The following ZSCAN25 variants were observed in gnomAD, a reference collection of about 807,000 sequenced individuals.
ZSCAN25 encodes the protein zinc finger and SCAN domain containing 25, also known as zinc finger and SCAN domain-containing protein 25.
In ZSCAN25, 27 loss-of-function variants were observed where a neutral mutation model predicts 38.7. The ratio of observed to expected loss-of-function variants is 0.70; its 90% CI spans 0.51 to 0.96. ZSCAN25 has a LOEUF of 0.96. Ranked by LOEUF, ZSCAN25 falls within the 40% of genes least tolerant of loss-of-function variation. ZSCAN25 has a pLI of 0.00. For synonymous variants in ZSCAN25, 273 were observed against 277.7 expected, an observed-to-expected ratio of 0.98 and a Z score of 0.17; for missense variants, 637 against 705.9, an observed-to-expected ratio of 0.90 and a Z score of 1.11.
the ZSCAN25 span, among the ~76,000 whole-genome samples, chr7:99,724,596 C>T: frequency 6.6e-6 from 1 of 152,022 alleles, no homozygotes; most frequent in Non-Finnish European, 1.5e-5. Context: ...CAAGCCAGGT[C>T]CCAATTCTTC....
the ZSCAN25 span, chr7:99,638,755 A>G: frequency 9.1e-7 from 1 of 1,097,636 alleles, no homozygotes; most frequent in Admixed American, 1.7e-5. Context: ...TTTGCATAGC[A>G]CTTTCCCCAT....
At chr7:99,729,979 C>T in the ZSCAN25 span, among the ~76,000 whole-genome samples, 165 of 152,288 alleles carry the variant, frequency 1.1e-3, 2 homozygotes, top group East Asian at 0.02. Context: ...TATGAAATTC[C>T]TGGGCAGTAA....
the ZSCAN25 span, among the ~76,000 whole-genome samples, chr7:99,700,274 T>TAATC: frequency 2.0e-5 from 3 of 152,192 alleles, no homozygotes; most frequent in Non-Finnish European, 4.4e-5. Flanking sequence ...ATAAACAACT[T>TAATC]AATCAGTTTT....
chr7:99,681,238 C>T, the ZSCAN25 span, among the ~76,000 whole-genome samples: 1 of 152,180 alleles, frequency 6.6e-6, no homozygotes, highest in South Asian at 2.1e-4. Flanking sequence ...CAAATCTTGG[C>T]ATTTGTGAAT....
At chr7:99,662,733 G>A in the ZSCAN25 span, 1 of 1,334,572 alleles carries the variant, frequency 7.5e-7, no homozygotes, top group Non-Finnish European at 1.1e-6. The surrounding 1 kb of genome is among the most constrained non-coding windows in gnomAD (Gnocchi z 4.3). Context: ...TCATCTTCCT[G>A]GAATACTTCC....
At chr7:99,651,373 G>C in the ZSCAN25 span, among the ~76,000 whole-genome samples, 1 of 152,130 alleles carries the variant, frequency 6.6e-6, no homozygotes, top group Non-Finnish European at 1.5e-5. Flanking sequence ...CCAAGTTCCT[G>C]ACACATGGCA....
At chr7:99,654,613 G>C in the ZSCAN25 span, among the ~76,000 whole-genome samples, 1 of 152,092 alleles carries the variant, frequency 6.6e-6, no homozygotes, top group East Asian at 1.9e-4. Flanking sequence ...GGGATGGCTG[G>C]GTCAAATGGT....
chr7:99,659,971 G>A, the ZSCAN25 span: 639 of 154,480 alleles, frequency 4.1e-3, 5 homozygotes, highest in African/African-American at 0.015. Context: ...GGTGCTGTCC[G>A]TCACCCCTAG....
the ZSCAN25 span, among the ~76,000 whole-genome samples, chr7:99,656,059 A>G: frequency 6.6e-6 from 1 of 152,174 alleles, no homozygotes; most frequent in Non-Finnish European, 1.5e-5. Context: ...TTCCTAATTG[A>G]ATACCCTTTA....
chr7:99,663,048 A>C, the ZSCAN25 span: 2 of 1,357,192 alleles, frequency 1.5e-6, no homozygotes. Flanking sequence ...ACATTCATCT[A>C]AATCCTTGGA....
downstream of ZSCAN25, among the ~76,000 whole-genome samples, chr7:99,635,919 C>A (rs1451355243): frequency 6.6e-6 from 1 of 151,808 alleles, no homozygotes; most frequent in African/African-American, 2.4e-5. Flanking sequence ...TGGTGGCGGG[C>A]CCCTGTAGTC....
At chr7:99,708,938 G>C in the ZSCAN25 span, 4 of 1,356,268 alleles carry the variant, frequency 2.9e-6, no homozygotes, top group East Asian at 7.0e-5. Context: ...AAAAAGACAA[G>C]CAAACGATTG....
At chr7:99,676,319 G>A in the ZSCAN25 span, 924 of 1,569,274 alleles carry the variant, frequency 5.9e-4, 4 homozygotes, top group African/African-American at 0.011. Flanking sequence ...ATATGTACAC[G>A]ATAAATAATA....
At chr7:99,672,995 G>A in the ZSCAN25 span, 10 of 660,532 alleles carry the variant, frequency 1.5e-5, no homozygotes, top group South Asian at 4.8e-5. Flanking sequence ...TGGTACATAC[G>A]TGGGTATCTC....
At chr7:99,696,157 G>A in the ZSCAN25 span, among the ~76,000 whole-genome samples, 1 of 152,034 alleles carries the variant, frequency 6.6e-6, no homozygotes, top group African/African-American at 2.4e-5. Context: ...TTCTTCCAGG[G>A]CACTTCATTT....
chr7:99,628,103 A>G (rs937023326), intron 7 of ZSCAN25, among the ~76,000 whole-genome samples: 1 of 152,172 alleles, frequency 6.6e-6, no homozygotes, highest in Non-Finnish European at 1.5e-5. Context: ...AAGGAAAAAA[A>G]GGGTAACGTG....
chr7:99,620,205 G>T, intron 4 of ZSCAN25: 3 of 681,032 alleles, frequency 4.4e-6, no homozygotes, highest in South Asian at 4.2e-5. Flanking sequence ...AGGGCCTGAA[G>T]CCTCTGTTTG....
chr7:99,728,975 G>T, the ZSCAN25 span, among the ~76,000 whole-genome samples: 1 of 152,118 alleles, frequency 6.6e-6, no homozygotes, highest in African/African-American at 2.4e-5. Context: ...TGAAAAAGGA[G>T]TACTCTATAT....
At chr7:99,720,147 T>C in the ZSCAN25 span, among the ~76,000 whole-genome samples, 1 of 152,214 alleles carries the variant, frequency 6.6e-6, no homozygotes. Flanking sequence ...ACTGTATTTA[T>C]AGTTATGCAA....
Sources: allele counts gnomAD v4.1 joint callset (sites outside exome capture counted in the v4.1 genomes callset), GRCh38; gene constraint gnomAD v4.1.1; non-coding constraint Gnocchi (gnomAD v3.1); transcripts MANE v1.5; gene names NCBI Gene and HGNC (gene_info 2026-07-23, HGNC 2026-07-21).